The following PTPRT variants were observed in gnomAD, a reference collection of about 807,000 sequenced individuals.
PTPRT encodes receptor-type tyrosine-protein phosphatase T.
Under a neutral mutation model 176.8 loss-of-function variants are expected in PTPRT, and 56 were observed. That is an observed-to-expected ratio of 0.32 (90% CI 0.26 to 0.40). The LOEUF is 0.40. PTPRT is among the 10% of genes least tolerant of loss of function. The pLI is 1.00. For missense variants in PTPRT, 1,540 were observed against 1,908.2 expected (o/e 0.81, Z 3.60); for synonymous variants, 783 against 739.0 (o/e 1.06, Z -0.96).
intron 11 of PTPRT, among the ~76,000 whole-genome samples, chr20:42,320,675 A>G (rs1797994383): frequency 6.6e-6 from 1 of 152,152 alleles, no homozygotes; most frequent in South Asian, 2.1e-4. Flanking sequence ...AATGGGAGGA[A>G]GTGGAGCAAG....
chr20:42,799,898 A>C (rs569152145), intron 2 of PTPRT, among the ~76,000 whole-genome samples: 1 of 152,326 alleles, frequency 6.6e-6, no homozygotes, highest in African/African-American at 2.4e-5. Context: ...GTGGTAAGTC[A>C]GGAGCCCAGG....
intron 7 of PTPRT, among the ~76,000 whole-genome samples, chr20:42,582,373 T>G (rs1296065939): frequency 6.6e-6 from 1 of 152,126 alleles, no homozygotes; most frequent in Non-Finnish European, 1.5e-5. Flanking sequence ...AATCACAGGC[T>G]GGAACACACT....
At chr20:42,702,944 G>A (rs903489246) in intron 6 of PTPRT, among the ~76,000 whole-genome samples, 2 of 152,140 alleles carry the variant, frequency 1.3e-5, no homozygotes, top group African/African-American at 4.8e-5. Context: ...TTCTCTTAAA[G>A]ACCCCTATCC....
chr20:42,059,094 C>A, the PTPRT span, among the ~76,000 whole-genome samples: 1 of 152,166 alleles, frequency 6.6e-6, no homozygotes, highest in South Asian at 2.1e-4. Flanking sequence ...GAAGTGGGAG[C>A]TGCTGATCTC....
chr20:42,661,994 G>C (rs928200604), intron 7 of PTPRT, among the ~76,000 whole-genome samples: 2 of 152,158 alleles, frequency 1.3e-5, no homozygotes, highest in Non-Finnish European at 2.9e-5. Context: ...TGCATACCAA[G>C]CTCTTGATAG....
At chr20:42,643,906 A>T (rs920944483) in intron 7 of PTPRT, among the ~76,000 whole-genome samples, 1 of 151,298 alleles carries the variant, frequency 6.6e-6, no homozygotes, top group African/African-American at 2.5e-5. Flanking sequence ...CTCTGAGCTT[A>T]TGGCTCCTTC....
intron 1 of PTPRT, among the ~76,000 whole-genome samples, chr20:42,887,086 C>T (rs1250959553): frequency 1.3e-5 from 2 of 152,172 alleles, no homozygotes; most frequent in Admixed American, 6.5e-5. Flanking sequence ...CATCACCATC[C>T]TCCTCCTTTA....
intron 17 of PTPRT, among the ~76,000 whole-genome samples, chr20:42,142,528 C>A (rs913440256): frequency 6.6e-6 from 1 of 152,010 alleles, no homozygotes; most frequent in Non-Finnish European, 1.5e-5. Context: ...AGGGCTTCTC[C>A]AAGAAGGTAA....
At chr20:42,260,140 G>A (rs1255005573) in intron 13 of PTPRT, among the ~76,000 whole-genome samples, 1 of 152,146 alleles carries the variant, frequency 6.6e-6, no homozygotes, top group Non-Finnish European at 1.5e-5. Context: ...CACAGGAAAG[G>A]GCATGCCCAG....
chr20:42,884,528 G>T (rs1479047674), intron 2 of PTPRT, among the ~76,000 whole-genome samples: 2 of 152,146 alleles, frequency 1.3e-5, no homozygotes, highest in African/African-American at 4.8e-5. Flanking sequence ...GGTTGTGTAG[G>T]TGTAAAATTC....
chr20:42,352,013 T>C (rs2058291296), intron 10 of PTPRT, 71 bp downstream of exon 10: 1 of 1,478,408 alleles, frequency 6.8e-7, no homozygotes, highest in Non-Finnish European at 9.4e-7. Context: ...AAGAAAAATT[T>C]CCACTTCAAG....
At chr20:42,271,164 C>T (rs556746308) in intron 13 of PTPRT, among the ~76,000 whole-genome samples, 61 of 152,246 alleles carry the variant, frequency 4.0e-4, no homozygotes, top group Non-Finnish European at 2.5e-4. Flanking sequence ...GAATCTCCTG[C>T]CCACCCCTCT....
At chr20:42,904,330 G>A (rs761123396) in intron 1 of PTPRT, among the ~76,000 whole-genome samples, 5 of 152,150 alleles carry the variant, frequency 3.3e-5, no homozygotes, top group African/African-American at 4.8e-5. Context: ...ATAGTAACTC[G>A]GGGCCTGACA....
At chr20:43,147,839 G>A (rs888022659) in intron 1 of PTPRT, among the ~76,000 whole-genome samples, 4 of 151,930 alleles carry the variant, frequency 2.6e-5, no homozygotes, top group Non-Finnish European at 4.4e-5. Context: ...AGGTGCCTTC[G>A]GCTGAAAAAT....
chr20:42,639,194 G>A (rs1220928757), intron 7 of PTPRT, among the ~76,000 whole-genome samples: 1 of 152,078 alleles, frequency 6.6e-6, no homozygotes, highest in Non-Finnish European at 1.5e-5. Context: ...ACTCACAGGT[G>A]CTCTGTAGCA....
At chr20:42,696,953 TTTC>T (rs1369339519) in intron 6 of PTPRT, among the ~76,000 whole-genome samples, 21 of 152,298 alleles carry the variant, frequency 1.4e-4, no homozygotes, top group Admixed American at 1.2e-3. Context: ...ATAATAAATG[TTTC>T]TTAAGGCACT....
rs560740610 is a variant in PTPRT at position 42,363,872 on chromosome 20, A to C, written c.1561-11587T>G. ...CTAGAATCCACCTGCTTAACCTTGG[A>C]GCTCTTTTGTCATCATGAAGAGTGG... On this transcript the variant is annotated intron_variant, in intron 9 of 30. Transcript: ENST00000373187. Among the ~76,000 whole-genome samples, 11 of 152,228 alleles carry C rather than the reference A, an allele frequency of 7.2e-5. No individual in the cohort carries two copies. The South Asian group carries it at 8.3e-4, about 11-fold the overall frequency.
intron 6 of PTPRT, among the ~76,000 whole-genome samples, chr20:42,712,915 G>A (rs1012554945): frequency 1.3e-5 from 2 of 152,114 alleles, no homozygotes; most frequent in Admixed American, 1.3e-4. Context: ...ATAAATGATG[G>A]TGCGTGCATA....
chr20:42,238,901 C>T (rs73909239), intron 14 of PTPRT, among the ~76,000 whole-genome samples: 1,841 of 152,222 alleles, frequency 0.012, 32 homozygotes, highest in African/African-American at 0.042. Flanking sequence ...TTCTCTATCT[C>T]AAGCTTGGGG....
Sources: gnomAD v4.1 joint callset for allele counts (sites outside exome capture counted in the v4.1 genomes callset) on GRCh38, gnomAD v4.1.1 for gene constraint, MANE v1.5 for transcripts, NCBI Gene and HGNC (gene_info 2026-07-23, HGNC 2026-07-21) for gene names.